Variants in ZNF385D observed in about 807,000 individuals in gnomAD.
ZNF385D encodes zinc finger protein 385D.
Under a neutral mutation model 35.8 loss-of-function variants are expected in ZNF385D, and 15 were observed. The observed-to-expected ratio is 0.42, with a 90% CI of 0.28 to 0.64. The LOEUF is 0.64. ZNF385D is among the 30% of genes least tolerant of loss of function. ZNF385D has a pLI of 0.23. For missense variants in ZNF385D, 474 were observed against 494.6 expected (o/e 0.96, Z 0.39); for synonymous variants, 212 against 186.8 (o/e 1.13, Z -1.10).
At chr3:21,696,766 G>A (rs2067485161) in intron 1 of ZNF385D, among the ~76,000 whole-genome samples, 1 of 152,132 alleles carries the variant, frequency 6.6e-6, no homozygotes, top group Admixed American at 6.6e-5. Flanking sequence ...TTATTGTGGG[G>A]GAAAATCTAC....
chr3:21,713,569 T>C (rs2068198786), intron 1 of ZNF385D, among the ~76,000 whole-genome samples: 1 of 152,210 alleles, frequency 6.6e-6, no homozygotes, highest in Non-Finnish European at 1.5e-5. Context: ...ATTGCCACTG[T>C]CATTGCTGAC....
chr3:21,815,526 C>A (rs974456468), intron 3 of ZNF385D, among the ~76,000 whole-genome samples: 16 of 152,172 alleles, frequency 1.1e-4, no homozygotes, highest in Non-Finnish European at 1.6e-4. Context: ...GAAATACAAA[C>A]TACCATCAGA....
intron 2 of ZNF385D, among the ~76,000 whole-genome samples, chr3:22,356,807 G>C (rs1696173087): frequency 6.6e-6 from 1 of 150,984 alleles, no homozygotes; most frequent in African/African-American, 2.5e-5. Context: ...TAGATAGATA[G>C]CTCTGAACAT....
intron 4 of ZNF385D, among the ~76,000 whole-genome samples, chr3:21,447,357 G>GA (rs11424525): frequency 0.65 from 98,239 of 151,854 alleles, 32,049 homozygotes; most frequent in African/African-American, 0.72. Context: ...AGGGCAGAAT[G>GA]AAAAAAAAGC....
chr3:22,233,972 C>G (rs1010741050), intron 2 of ZNF385D, among the ~76,000 whole-genome samples: 1 of 152,002 alleles, frequency 6.6e-6, no homozygotes, highest in African/African-American at 2.4e-5. Flanking sequence ...AATCTGCAAC[C>G]CAGAGTTCTA....
intron 2 of ZNF385D, among the ~76,000 whole-genome samples, chr3:22,194,529 TG>T (rs1299043820): frequency 6.6e-6 from 1 of 151,948 alleles, no homozygotes; most frequent in East Asian, 1.9e-4. Context: ...GTTTTCAGTT[TG>T]CAGTAAAATT....
At chr3:22,125,040 C>A (rs1265340103) in intron 3 of ZNF385D, among the ~76,000 whole-genome samples, 1 of 152,032 alleles carries the variant, frequency 6.6e-6, no homozygotes, top group African/African-American at 2.4e-5. Flanking sequence ...TTAGCAGTTT[C>A]ATAGTTTGAG....
chr3:22,280,704 C>T (rs990835484), intron 2 of ZNF385D, among the ~76,000 whole-genome samples: 6 of 152,064 alleles, frequency 3.9e-5, no homozygotes, highest in African/African-American at 1.2e-4. Context: ...AATGTAATGC[C>T]TCCAGATTTG....
intron 2 of ZNF385D, among the ~76,000 whole-genome samples, chr3:22,248,234 T>C (rs987797502): frequency 6.6e-6 from 1 of 152,152 alleles, no homozygotes; most frequent in South Asian, 2.1e-4. Context: ...ACCAATCACC[T>C]GCAAGGCAGG....
chr3:21,598,504 G>A (rs915814784), intron 2 of ZNF385D, among the ~76,000 whole-genome samples: 16 of 152,178 alleles, frequency 1.1e-4, no homozygotes, highest in Non-Finnish European at 2.1e-4. Flanking sequence ...TTATTGGACT[G>A]TAATTGAATT....
In ZNF385D at chr3:21,539,853, A is replaced by G. The variant is rs2062129480; in HGVS notation, c.276+24721T>C. Among the ~76,000 whole-genome samples the G allele has an allele frequency of 6.6e-6, 1 of 152,158 alleles. No individual in the cohort carries two copies. Among genetic ancestry groups the G allele is most frequent in the Admixed American group, 6.5e-5 (1 of 15,278 alleles). On this transcript the variant is annotated intron_variant, in intron 3 of 7. Coordinates refer to ENST00000281523, the MANE Select transcript of ZNF385D (RefSeq NM_024697.3). The surrounding 1 kb of genome is among the most constrained non-coding windows in gnomAD (Gnocchi z 4.0). Reference sequence around the variant, plus strand: ...AATATTTTTACTACAAACACAGCATAAGAGTAATGCTGATTTTGAGCAATT... The same window carrying G: ...AATATTTTTACTACAAACACAGCATGAGAGTAATGCTGATTTTGAGCAATT...
At chr3:21,451,077 G>A (rs73044408) in intron 4 of ZNF385D, among the ~76,000 whole-genome samples, 42,067 of 151,904 alleles carry the variant, frequency 0.28, 6,466 homozygotes, top group East Asian at 0.43. Flanking sequence ...CCCCTTTTAA[G>A]TTACAGATTT....
intron 2 of ZNF385D, among the ~76,000 whole-genome samples, chr3:22,298,560 TAC>T (rs758306222): frequency 3.5e-5 from 5 of 142,834 alleles, no homozygotes; most frequent in Non-Finnish European, 4.6e-5. Context: ...TATACACACA[TAC>T]ACACACACAC....
intron 4 of ZNF385D, among the ~76,000 whole-genome samples, chr3:21,451,485 A>G (rs1302783454): frequency 6.6e-6 from 1 of 152,082 alleles, no homozygotes; most frequent in Non-Finnish European, 1.5e-5. Flanking sequence ...TGCTGTTTTA[A>G]AATTTCCTTC....
At chr3:21,955,640 A>G (rs1702249158) in intron 3 of ZNF385D, among the ~76,000 whole-genome samples, 1 of 152,102 alleles carries the variant, frequency 6.6e-6, no homozygotes, top group African/African-American at 2.4e-5. Context: ...ATCTGTTCTC[A>G]AATTCTGTTT....
intron 3 of ZNF385D, among the ~76,000 whole-genome samples, chr3:21,890,482 G>A (rs908770402): frequency 6.6e-6 from 1 of 152,106 alleles, no homozygotes; most frequent in African/African-American, 2.4e-5. Context: ...AGCTGTGCAT[G>A]GTGGCAGGCC....
At chr3:22,197,681 A>G (rs1296259951) in intron 2 of ZNF385D, among the ~76,000 whole-genome samples, 1 of 152,044 alleles carries the variant, frequency 6.6e-6, no homozygotes, top group African/African-American at 2.4e-5. Flanking sequence ...CTCCTGTTGT[A>G]TGAGTCAGCC....
intron 3 of ZNF385D, among the ~76,000 whole-genome samples, chr3:22,033,402 AAATAATAATAATAATAATAATAAT>A (rs59555475): frequency 0.053 from 7,421 of 139,388 alleles, 247 homozygotes; most frequent in Middle Eastern, 0.11. Flanking sequence ...GCTGGCTCCA[AAATAATAATAATAATAATAATAAT>A]AATAATAATA....
chr3:22,362,057 GA>G (rs1287625619), intron 2 of ZNF385D, among the ~76,000 whole-genome samples: 5 of 151,296 alleles, frequency 3.3e-5, no homozygotes, highest in African/African-American at 1.2e-4. Context: ...TATTAATATG[GA>G]TGTATGCTAT....
Sources: gnomAD v4.1 joint callset for allele counts (sites outside exome capture counted in the v4.1 genomes callset) on GRCh38, gnomAD v4.1.1 for gene constraint, Gnocchi (gnomAD v3.1) non-coding constraint, MANE v1.5 for transcripts, NCBI Gene and HGNC (gene_info 2026-07-23, HGNC 2026-07-21) for gene names.